The following WASF1 variants were observed in gnomAD, a reference collection of about 807,000 sequenced individuals.
The protein encoded by WASF1 is actin-binding protein WASF1.
In WASF1, 7 loss-of-function variants were observed where a neutral mutation model predicts 50.5. The observed-to-expected ratio is 0.14, with a 90% CI of 0.08 to 0.26. WASF1 has a LOEUF of 0.26. WASF1 is among the 10% of genes least tolerant of loss of function. The pLI is 1.00. For missense variants in WASF1, 470 were observed against 694.7 expected, an observed-to-expected ratio of 0.68 and a Z score of 3.64; for synonymous variants, 205 against 244.0, an observed-to-expected ratio of 0.84 and a Z score of 1.49.
chr6:110,155,522 T>C lies in WASF1; in HGVS notation c.-29+5113A>G, dbSNP rs573611709. On this transcript the variant is annotated intron_variant, in intron 3 of 10. Coordinates refer to ENST00000392589, the MANE Select transcript of WASF1 (RefSeq NM_003931.3). ...GAGATTACAGGTAGGACTACATTAT[T>C]TCTAAAGTGCCTTCTTTTTTTTTTT... 7.3e-5 allele frequency among the ~76,000 whole-genome samples: 11 copies of C among 149,694 alleles called. No homozygotes were observed. In the East Asian group the frequency reaches 2.2e-3, roughly 29 times the overall value.
At chr6:110,152,882 A>G (rs1026483551) in intron 3 of WASF1, among the ~76,000 whole-genome samples, 2 of 152,026 alleles carry the variant, frequency 1.3e-5, no homozygotes, top group African/African-American at 2.4e-5. Context: ...TCATCCCCCA[A>G]ATTTTCTCCT....
At chr6:110,124,274 C>CTCTCTCTATATATATA (rs1331534646) in intron 4 of WASF1, among the ~76,000 whole-genome samples, 3 of 20,504 alleles carry the variant, frequency 1.5e-4, no homozygotes, top group East Asian at 2.7e-3. Flanking sequence ...CTCTCTCTCT[C>CTCTCTCTATATATATA]TATATATATA....
At chr6:110,112,667 C>T (rs146456053) in intron 5 of WASF1, among the ~76,000 whole-genome samples, 4,966 of 151,932 alleles carry the variant, frequency 0.033, 143 homozygotes, top group South Asian at 0.11. Context: ...TTTGGGAGGC[C>T]GAGGTGGGCA....
chr6:110,107,690 A>G (rs1056387020), intron 6 of WASF1, among the ~76,000 whole-genome samples: 1 of 152,228 alleles, frequency 6.6e-6, no homozygotes, highest in African/African-American at 2.4e-5. Flanking sequence ...ACAATTTCAA[A>G]TAACTCTCTG....
At chr6:110,138,556 G>A (rs946694584) in intron 3 of WASF1, among the ~76,000 whole-genome samples, 41 of 152,304 alleles carry the variant, frequency 2.7e-4, no homozygotes, top group African/African-American at 9.1e-4. Context: ...TCAGGACACC[G>A]GAAGCGGGTA....
At position 110,154,241 on chromosome 6, in the gene WASF1, A is replaced by ATATGGAT. The variant is rs1390230943; in HGVS notation, c.-29+6393_-29+6394insATCCATA. ...TTTTGTGGTCTATATACCTAATACA[A>ATATGGAT]TACAATATCATATGGATTACAACGA... On this transcript the variant is annotated intron_variant, in intron 3 of 10. Transcript: ENST00000392589. Among the ~76,000 whole-genome samples, 9 of 152,262 alleles carry ATATGGAT rather than the reference A, an allele frequency of 5.9e-5. No homozygotes were observed. The East Asian group carries it at 1.7e-3, about 29-fold the overall frequency.
chr6:110,142,965 A>AC (rs1383945425), intron 3 of WASF1, among the ~76,000 whole-genome samples: 2 of 150,500 alleles, frequency 1.3e-5, no homozygotes, highest in Non-Finnish European at 3.0e-5. Context: ...AAAAAAAAAA[A>AC]AAAAAAAACT....
At chr6:110,172,844 T>C (rs763667358) in intron 2 of WASF1, among the ~76,000 whole-genome samples, 1 of 152,098 alleles carries the variant, frequency 6.6e-6, no homozygotes, top group Admixed American at 6.6e-5. Context: ...ATGTACACTA[T>C]ACTAAAAAGC....
In WASF1 at chr6:110,100,506, T is replaced by C; in HGVS notation, c.*16A>G. On this transcript the variant is annotated 3_prime_UTR_variant, in exon 11 of 11. Coordinates refer to ENST00000392589, the MANE Select transcript of WASF1 (RefSeq NM_003931.3). ...CATTTGCATTCAGTTTTGTAATATTTATCAATGCATTTTTCTTACTCCAAC... is the reference window on the plus strand; with the variant it reads ...CATTTGCATTCAGTTTTGTAATATTCATCAATGCATTTTTCTTACTCCAAC... 6.3e-7 allele frequency: 1 copy of C among 1,594,746 alleles called. No homozygotes were observed. Among genetic ancestry groups the C allele is most frequent in the Non-Finnish European group, 8.6e-7 (1 of 1,166,928 alleles).
intron 2 of WASF1, among the ~76,000 whole-genome samples, chr6:110,169,606 A>T (rs1462346779): frequency 2.0e-5 from 3 of 152,130 alleles, no homozygotes; most frequent in African/African-American, 7.2e-5. Context: ...TCAGTCCCCA[A>T]CACTCACCTC....
chr6:110,123,046 T>G lies in WASF1; in HGVS notation c.133+4423A>C, dbSNP rs544427378. ...ATTTGTGTCTAAAATGGAAATTACT[T>G]GCTTTATCTATATCTGTCCACCTGA... is the stretch of plus-strand genomic sequence containing the variant. On this transcript the variant is annotated intron_variant, in intron 4 of 10. Coordinates refer to ENST00000392589, the MANE Select transcript of WASF1 (RefSeq NM_003931.3). 2.6e-5 allele frequency among the ~76,000 whole-genome samples: 4 copies of G among 152,330 alleles called. No homozygotes were observed. In the South Asian group the frequency reaches 8.3e-4, roughly 32 times the overall value.
intron 5 of WASF1, 66 bp downstream of exon 5, chr6:110,113,260 T>A: frequency 7.5e-7 from 1 of 1,325,800 alleles, no homozygotes; most frequent in South Asian, 1.9e-5. Flanking sequence ...TACTGTTAAG[T>A]ATATCATTCA....
chr6:110,142,975 T>TAAAAAAAAAAAAAAAAAAAAAAAA (rs1396721363), intron 3 of WASF1, among the ~76,000 whole-genome samples: 60 of 97,882 alleles, frequency 6.1e-4, no homozygotes, highest in South Asian at 2.9e-3. Context: ...AAAAAAAAAC[T>TAAAAAAAAAAAAAAAAAAAAAAAA]AAAGCAATTC....
At chr6:110,173,603 AAGG>A (rs1174788823) in intron 2 of WASF1, among the ~76,000 whole-genome samples, 1 of 152,126 alleles carries the variant, frequency 6.6e-6, no homozygotes, top group African/African-American at 2.4e-5. Flanking sequence ...TTTACGCAAA[AAGG>A]AGGACTTATG....
Position 110,101,890 on chromosome 6 carries a change from C to T in WASF1, c.1220G>A (p.Cys407Tyr). Residue 407 changes from cysteine (C) to tyrosine (Y), a missense_variant, in exon 10 of 11, where the codon TGT becomes TAT. By Grantham distance (194) the Cys-to-Tyr change is radical (BLOSUM62 -2). This residue lies in a region of WASF1 where 294 missense variants were observed against 343.5 expected (regional missense o/e 0.86). Coordinates refer to ENST00000392589, the MANE Select transcript of WASF1 (RefSeq NM_003931.3). ...SPPVARAAPV[C>Y]ETVPVHPLPQ... ...GAGTGGATGAACTGGTACAGTCTCA[C>T]ATACTGGGGCAGCTCTAGCTACTGG... 1.2e-6 allele frequency: 2 copies of T among 1,613,304 alleles called. No homozygotes were observed. Among genetic ancestry groups the T allele is most frequent in the Non-Finnish European group, 1.7e-6 (2 of 1,179,622 alleles).
chr6:110,155,116 T>C (rs1438103966), intron 3 of WASF1, among the ~76,000 whole-genome samples: 1 of 152,080 alleles, frequency 6.6e-6, no homozygotes, highest in African/African-American at 2.4e-5. Context: ...TCAGACTCTT[T>C]ACATATTTTC....
At chr6:110,105,616 A>T in intron 7 of WASF1, 37 bp from the exon 8 acceptor site, 1 of 1,593,204 alleles carries the variant, frequency 6.3e-7, no homozygotes, top group Non-Finnish European at 8.6e-7. Context: ...CAAATGCTTA[A>T]GCGCTAATTT....
chr6:110,137,618 C>T (rs932384004), intron 3 of WASF1, among the ~76,000 whole-genome samples: 5 of 152,158 alleles, frequency 3.3e-5, no homozygotes, highest in Non-Finnish European at 5.9e-5. Flanking sequence ...TTGCACATGA[C>T]GAAAGGACCC....
chr6:110,105,564 G>A lies in WASF1; in HGVS notation c.556C>T (p.Arg186Cys). 1 of 1,612,842 alleles carries A rather than the reference G, an allele frequency of 6.2e-7. No individual in the cohort carries two copies. Among genetic ancestry groups the A allele is most frequent in the Non-Finnish European group, 8.5e-7 (1 of 1,179,640 alleles). Residue 186 changes from arginine to cysteine, a missense_variant, in exon 8 of 11, where the codon CGT becomes TGT. Transcript: ENST00000392589. ...GGCACTTTTTCTGGTTCATGAGGACGATCTAGATTTTTCTGCTATAACAGA... is the reference window on the plus strand; with the variant it reads ...GGCACTTTTTCTGGTTCATGAGGACAATCTAGATTTTTCTGCTATAACAGA... ...KRKQKQKNLD[R>C]PHEPEKVPRA...
Sources: gnomAD v4.1 joint callset for allele counts (sites outside exome capture counted in the v4.1 genomes callset) on GRCh38, gnomAD v4.1.1 for gene constraint, gnomAD v4.1.1 regional missense constraint, MANE v1.5 for transcripts, NCBI Gene and HGNC (gene_info 2026-07-23, HGNC 2026-07-21) for gene names.